Variants in FRMD1 observed in about 807,000 individuals in gnomAD.
FRMD1 encodes FERM domain containing 1.
FRMD1 carries 51 observed loss-of-function variants against 54.9 expected under a neutral mutation model. That is an observed-to-expected ratio of 0.93 (90% CI 0.74 to 1.17). The LOEUF (loss-of-function observed/expected upper bound fraction) is 1.17. FRMD1 is among the 50% of genes most tolerant of loss of function. The probability of loss-of-function intolerance (pLI) is 0.00; values close to 1 mark genes in which losing one functional copy is unlikely to be tolerated. For missense variants in FRMD1, 729 were observed against 743.0 expected (o/e 0.98, Z 0.22); for synonymous variants, 324 against 306.4 (o/e 1.06, Z -0.60).
chr6:168,076,708 T>C (rs1800610351), intron 1 of FRMD1, among the ~76,000 whole-genome samples: 1 of 152,238 alleles, frequency 6.6e-6, no homozygotes, highest in African/African-American at 2.4e-5. Flanking sequence ...GGTATGTCTT[T>C]ATTAGCAGCG....
At chr6:168,079,413 G>A (rs1800765411), upstream of FRMD1, among the ~76,000 whole-genome samples, 1 of 152,208 alleles carries the variant, frequency 6.6e-6, no homozygotes, top group African/African-American at 2.4e-5. Flanking sequence ...GGGGGAGACA[G>A]GACCCAACTC....
upstream of FRMD1, among the ~76,000 whole-genome samples, chr6:168,085,517 G>A (rs1333116237): frequency 2.0e-5 from 3 of 152,312 alleles, no homozygotes; most frequent in Middle Eastern, 3.4e-3. Flanking sequence ...ACAGCCACAC[G>A]CCCCACCATG....
At chr6:168,063,793 C>T (rs1242790462) in intron 5 of FRMD1, 37 bp from the exon 6 acceptor site, 2 of 1,567,792 alleles carry the variant, frequency 1.3e-6, no homozygotes, top group East Asian at 4.7e-5. Context: ...CAGACCCCTG[C>T]TGGTCCCCCC....
chr6:168,064,521 G>A (rs920274217), intron 5 of FRMD1, among the ~76,000 whole-genome samples: 2 of 152,184 alleles, frequency 1.3e-5, no homozygotes, highest in Non-Finnish European at 2.9e-5. Context: ...AAGCAGGAAG[G>A]TTCACAGCCA....
upstream of FRMD1, among the ~76,000 whole-genome samples, chr6:168,084,353 G>A (rs1226961625): frequency 1.3e-5 from 2 of 152,240 alleles, no homozygotes; most frequent in Admixed American, 6.5e-5. Context: ...ATGATGGACA[G>A]TGTATTTGTG....
chr6:168,086,413 A>G (rs114246341), upstream of FRMD1, among the ~76,000 whole-genome samples: 2,425 of 147,746 alleles, frequency 0.016, 65 homozygotes, highest in African/African-American at 0.059. Context: ...GTGGACACCT[A>G]CACCCCTAGC....
Position 168,065,524 on chromosome 6 carries a change from G to A in FRMD1, c.462-467C>T, listed in dbSNP as rs577695705. 5.1e-6 allele frequency: 5 copies of A among 988,488 alleles called. No individual in the cohort carries two copies. The East Asian group carries it at 4.5e-4, about 89-fold the overall frequency. The allele number at this position is 988,488 out of a possible 1,614,324, so 61.2% of individuals were successfully genotyped here. ...TTAATCACAGGCCAGGTGGAGGCTCGCCCAAGATGCAGGTGCAAGATCTTC... is the reference window on the plus strand; with the variant it reads ...TTAATCACAGGCCAGGTGGAGGCTCACCCAAGATGCAGGTGCAAGATCTTC... On this transcript the variant is annotated intron_variant, in intron 4 of 10. Transcript: ENST00000283309.
rs536825906 is a variant in FRMD1 at position 168,062,655 on chromosome 6, C to A, written c.870+239G>T. The A allele has an allele frequency of 1.9e-6, 3 of 1,548,328 alleles. No homozygotes were observed. In the Admixed American group the frequency reaches 5.9e-5, roughly 30 times the overall value. On this transcript the variant is annotated intron_variant, in intron 7 of 10. Transcript: ENST00000283309. ...GCCCAGGCTTTCCAGGGCACGGGGACCCCCCAGACACCCACCAGAAATGCC... is the reference window on the plus strand; with the variant it reads ...GCCCAGGCTTTCCAGGGCACGGGGAACCCCCAGACACCCACCAGAAATGCC...
chr6:168,063,467 C>T, intron 6 of FRMD1, 134 bp downstream of exon 6: 1 of 1,093,930 alleles, frequency 9.1e-7, no homozygotes, highest in Non-Finnish European at 1.2e-6. Flanking sequence ...CCCCGGGGTC[C>T]TGGTCCCACT....
intron 1 of FRMD1, among the ~76,000 whole-genome samples, chr6:168,077,903 C>T (rs1029414397): frequency 6.6e-6 from 1 of 152,192 alleles, no homozygotes; most frequent in Admixed American, 6.5e-5. Flanking sequence ...TCCAGCTTCT[C>T]GTTGCTGGGT....
chr6:168,065,996 C>T (rs1296083779), intron 4 of FRMD1: 4 of 1,000,096 alleles, frequency 4.0e-6, no homozygotes, highest in Non-Finnish European at 3.6e-6. Flanking sequence ...AAGCAGCCCC[C>T]GTTGGTTTAG....
In FRMD1 at chr6:168,059,319, T is replaced by C; in HGVS notation, c.1343-131A>G. The C allele has an allele frequency of 1.4e-6, 1 of 702,304 alleles. No individual in the cohort carries two copies. The highest frequency in any genetic ancestry group is 2.7e-5 in the East Asian group (1 of 36,526). 43.5% of individuals were successfully genotyped at this position (702,304 alleles called of 1,614,324 possible). A position where few individuals can be genotyped will look rare whatever the true frequency, so the allele number is the denominator to read the frequency against. The stretch of plus-strand genomic sequence containing the variant: ...TCTCCTGAGGCTCACACCGCCCCCT[T>C]GCTCTCAGTGCGGTGACTGCTTTTG... On this transcript the variant is annotated intron_variant, in intron 9 of 10. Transcript: ENST00000283309. The surrounding 1 kb of genome is among the most constrained non-coding windows in gnomAD (Gnocchi z 4.4).
At chr6:168,062,769 A>G in intron 7 of FRMD1, 125 bp downstream of exon 7, 1 of 1,592,338 alleles carries the variant, frequency 6.3e-7, no homozygotes, top group South Asian at 1.1e-5. Flanking sequence ...GGGCGCGTCC[A>G]GGCAGGGCCA....
upstream of FRMD1, among the ~76,000 whole-genome samples, chr6:168,079,518 C>T (rs1800767998): frequency 6.6e-6 from 1 of 152,312 alleles, no homozygotes; most frequent in South Asian, 2.1e-4. Flanking sequence ...GATGCCAGAG[C>T]CAGGGCTGCT....
upstream of FRMD1, among the ~76,000 whole-genome samples, chr6:168,085,336 C>T (rs758181759): frequency 6.6e-6 from 1 of 152,242 alleles, no homozygotes; most frequent in Non-Finnish European, 1.5e-5. Context: ...GGATGGCCAA[C>T]ACTCCAGCCT....
At position 168,078,557 on chromosome 6, in the gene FRMD1, C is replaced by T. The variant is rs1300582028; in HGVS notation, c.213+325G>A. 1.9e-4 allele frequency among the ~76,000 whole-genome samples: 28 copies of T among 143,894 alleles called. No individual in the cohort carries two copies. The East Asian group carries it at 2.3e-3, about 12-fold the overall frequency. The allele number at this position is 143,894 out of a possible 152,430, so 94.4% of individuals were successfully genotyped here. ...ACCCCCACGGCCCTGCTCACCCCCA[C>T]GGCTCTGCTCACCCTCACAGCCCTG... On this transcript the variant is annotated intron_variant, in intron 1 of 10. Coordinates refer to ENST00000283309, the MANE Select transcript of FRMD1 (RefSeq NM_024919.6).
chr6:168,073,739 C>A (rs892663760), intron 2 of FRMD1, among the ~76,000 whole-genome samples: 8 of 152,130 alleles, frequency 5.3e-5, no homozygotes, highest in African/African-American at 1.7e-4. Context: ...TGGCTTCGTC[C>A]AAAAGGATCC....
Position 168,061,994 on chromosome 6 carries a change from G to A in FRMD1, c.871-13C>T, listed in dbSNP as rs1157153881. 1.3e-6 allele frequency: 2 copies of A among 1,581,466 alleles called. No individual in the cohort carries two copies. On this transcript the variant is annotated splice_polypyrimidine_tract_variant and intron_variant, in intron 7 of 10. Coordinates refer to ENST00000283309, the MANE Select transcript of FRMD1 (RefSeq NM_024919.6). ...CCAGCTTCTTTCCCTGAGCAAACAG[G>A]AGAGAAGTTGCCACTCCACAGGTGG...
intron 10 of FRMD1, 143 bp from the exon 11 acceptor site, chr6:168,057,482 T>C: frequency 1.6e-6 from 2 of 1,255,304 alleles, no homozygotes; most frequent in East Asian, 2.6e-5. Flanking sequence ...GGCCTGCCCC[T>C]GGACGGGTCC....
Sources: gnomAD v4.1 joint callset for allele counts (sites outside exome capture counted in the v4.1 genomes callset) on GRCh38, gnomAD v4.1.1 for gene constraint, Gnocchi (gnomAD v3.1) non-coding constraint, MANE v1.5 for transcripts, NCBI Gene and HGNC (gene_info 2026-07-23, HGNC 2026-07-21) for gene names.